The following NOL11 variants were observed in gnomAD, a reference collection of about 807,000 sequenced individuals.
The protein encoded by NOL11 is nucleolar protein 11.
A neutral mutation model predicts 93.0 loss-of-function variants in NOL11; 42 were observed. The observed-to-expected ratio is 0.45, with a 90% CI of 0.35 to 0.58. The LOEUF is 0.58. Ranked by LOEUF, NOL11 falls within the 20% of genes least tolerant of loss-of-function variation. NOL11 has a pLI of 0.00. For synonymous variants in NOL11, 296 were observed against 293.7 expected, an observed-to-expected ratio of 1.01 and a Z score of -0.08; for missense variants, 775 against 841.8, an observed-to-expected ratio of 0.92 and a Z score of 0.98.
At chr17:67,734,144 T>C (rs1415625460) in intron 7 of NOL11, among the ~76,000 whole-genome samples, 2 of 152,202 alleles carry the variant, frequency 1.3e-5, no homozygotes, top group East Asian at 3.9e-4. Context: ...TAATTGTTAT[T>C]CCTGGTTCAT....
chr17:67,738,352 T>TA lies in NOL11; in HGVS notation c.1761dup (p.Leu588ThrfsTer2). On this transcript the variant is annotated frameshift_variant, in exon 14 of 18. Transcript: ENST00000253247. LOFTEE classifies it high-confidence loss of function. ...CCTGTGGTACAAAAAAGAGCAGCTC[T>TA]ACTGTATCCTTTGACATAGAGCATC... 3 of 1,592,454 alleles carry TA rather than the reference T, an allele frequency of 1.9e-6. No individual in the cohort carries two copies. Among genetic ancestry groups the TA allele is most frequent in the Non-Finnish European group, 2.6e-6 (3 of 1,163,108 alleles).
intron 9 of NOL11, 79 bp from the exon 10 acceptor site, chr17:67,736,587 T>A (rs542617802): frequency 2.1e-5 from 18 of 870,898 alleles, no homozygotes; most frequent in Middle Eastern, 2.2e-4. Flanking sequence ...TGGTTTTTTT[T>A]AAATTGTTCT....
chr17:67,731,205 T>C (rs2055151172), intron 7 of NOL11, among the ~76,000 whole-genome samples: 1 of 152,164 alleles, frequency 6.6e-6, no homozygotes, highest in Non-Finnish European at 1.5e-5. Context: ...TTTTCTCCCA[T>C]TCTATAGGTT....
rs2055183046 is a variant in NOL11 at position 67,734,420 on chromosome 17, C to T, written c.911C>T (p.Pro304Leu). Residue 304 changes from proline (P) to leucine (L), a missense_variant, in exon 8 of 18, where the codon CCA (proline) becomes CTA (leucine). Physicochemically the swap from Pro to Leu is moderately conservative, Grantham distance 98. This residue lies in a region of NOL11 where 416 missense variants were observed against 525.2 expected (regional missense o/e 0.79). Transcript: ENST00000253247. ...FQTLQTSKELPQGTSGQLWYY... is the reference protein window; with the variant it reads ...FQTLQTSKELLQGTSGQLWYY... Reference sequence around the variant, plus strand: ...ACACTACAGACTTCAAAAGAGTTACCACAAGGGACCAGTGGTCAAGTAAGT... The same window carrying T: ...ACACTACAGACTTCAAAAGAGTTACTACAAGGGACCAGTGGTCAAGTAAGT... The T allele has an allele frequency of 2.5e-6, 4 of 1,603,204 alleles. No homozygotes were observed. The highest frequency in any genetic ancestry group is 3.4e-6 in the Non-Finnish European group (4 of 1,170,880).
chr17:67,739,526 A>T lies in NOL11; in HGVS notation c.1853A>T (p.Lys618Met). 6.3e-7 allele frequency: 1 copy of T among 1,581,648 alleles called. No individual in the cohort carries two copies. ...TTTTTTCCCACCCAGCTGTTTCTTAAGTATTTGTATTTCCTGTACCTGAAG... is the reference window on the plus strand; with the variant it reads ...TTTTTTCCCACCCAGCTGTTTCTTATGTATTTGTATTTCCTGTACCTGAAG... ...IPAQHITLFL[K>M]YLYFLYLKCS... Residue 618 changes from lysine (K) to methionine (M), a missense_variant, in exon 16 of 18, where the codon AAG (lysine) becomes ATG (methionine). Lys to Met is a moderately conservative substitution (Grantham distance 95). Transcript: ENST00000253247.
intron 6 of NOL11, 69 bp from the exon 7 acceptor site, chr17:67,726,391 A>G (rs963076219): frequency 1.4e-5 from 18 of 1,280,946 alleles, no homozygotes; most frequent in Non-Finnish European, 1.8e-5. Flanking sequence ...TAAACAACCT[A>G]GTACATTTAA....
chr17:67,719,595 T>C, intron 1 of NOL11, 79 bp from the exon 2 acceptor site: 2 of 773,828 alleles, frequency 2.6e-6, no homozygotes, highest in Non-Finnish European at 4.2e-6. Flanking sequence ...TAATGGTTTC[T>C]TTTATTGATT....
rs748697836 is a variant in NOL11, at chr17:67,743,785, C to T, written c.2086C>T (p.Arg696Trp). Residue 696 changes from arginine (R) to tryptophan (W), a missense_variant, in exon 18 of 18, where the codon CGG (arginine) becomes TGG (tryptophan). Arg to Trp is a moderately radical substitution (Grantham distance 101, BLOSUM62 -3). Around this residue, in one of 2 missense-constraint regions of NOL11, gnomAD observed 416 missense variants for 525.2 expected, o/e 0.79. Transcript: ENST00000253247. ...GCTCAACAAGATTGAAGTAAGTTTTCGGGAGCTACAGAAATTAAATCAAGA... is the reference window on the plus strand; with the variant it reads ...GCTCAACAAGATTGAAGTAAGTTTTTGGGAGCTACAGAAATTAAATCAAGA... The part of the protein sequence containing the change: ...SELNKIEVSF[R>W]ELQKLNQEKN... 9 of 1,547,066 alleles carry T rather than the reference C, an allele frequency of 5.8e-6. No individual in the cohort carries two copies. The highest frequency in any genetic ancestry group is 1.4e-5 in the African/African-American group (1 of 71,118).
intron 6 of NOL11, among the ~76,000 whole-genome samples, 179 bp downstream of exon 6, chr17:67,724,372 C>T (rs991782075): frequency 1.4e-5 from 2 of 145,672 alleles, no homozygotes; most frequent in East Asian, 4.0e-4. Context: ...CTCGCTCTGT[C>T]GCCCAGGCTG....
At chr17:67,723,579 G>A (rs2055056229) in intron 5 of NOL11, among the ~76,000 whole-genome samples, 1 of 151,246 alleles carries the variant, frequency 6.6e-6, no homozygotes, top group Non-Finnish European at 1.5e-5. Flanking sequence ...AGTAGAGACA[G>A]GGTTTTGCCA....
rs758646391 is a variant in NOL11 at position 67,722,645 on chromosome 17, A to G, written c.519+8A>G. 4 of 1,566,624 alleles carry G rather than the reference A, an allele frequency of 2.6e-6. No individual in the cohort carries two copies. The African/African-American group carries it at 4.2e-5, about 17-fold the overall frequency. On this transcript the variant is annotated splice_region_variant and intron_variant, in intron 5 of 17. Transcript: ENST00000253247. ...ATTTTTATTACTGAAAAAGTAAGTG[A>G]TATCTTCAATTCCTGGCCCATTTTG...
intron 16 of NOL11, among the ~76,000 whole-genome samples, chr17:67,743,018 G>A (rs1482894370): frequency 6.6e-6 from 1 of 152,214 alleles, no homozygotes; most frequent in African/African-American, 2.4e-5. Flanking sequence ...GAGGTTGGAG[G>A]ATTGCTTGAG....
rs369722308 is a variant in NOL11 at position 67,743,568 on chromosome 17, C to T, written c.2025C>T (p.Tyr675=). Residue 675 remains tyrosine, a synonymous_variant, in exon 17 of 18, where the codon TAC becomes TAT. Coordinates refer to ENST00000253247, the MANE Select transcript of NOL11 (RefSeq NM_015462.5). ...CAAAGAGGCTACTGATAAATCTTTA[C>T]AAGCTTGTAAAATCTCAGGTTTGTG... ...PEAKRLLINL[Y]KLVKSQISVY... is the part of the protein sequence containing the mutation. The T allele has an allele frequency of 4.2e-5, 67 of 1,597,182 alleles. No homozygotes were observed. Among genetic ancestry groups the T allele is most frequent in the Non-Finnish European group, 5.5e-5 (64 of 1,168,826 alleles).
At position 67,738,973 on chromosome 17, in the gene NOL11, T is replaced by A; in HGVS notation, c.1805T>A (p.Leu602Gln). The change falls in exon 15 of 18, where the codon CTG becomes CAG. Residue 602 changes from leucine to glutamine, a missense_variant. Transcript: ENST00000253247. ...LHSAYSETFL[L>Q]PHLKDIPAQH... The stretch of plus-strand genomic sequence containing the variant: ...TCAGCATATAGCGAGACATTTCTTC[T>A]GCCTCATTTGAAAGACATCCCAGCA... The A allele has an allele frequency of 6.2e-7, 1 of 1,613,178 alleles. No homozygotes were observed. The highest frequency in any genetic ancestry group is 8.5e-7 in the Non-Finnish European group (1 of 1,179,310).
intron 6 of NOL11, among the ~76,000 whole-genome samples, chr17:67,725,049 C>T (rs150509884): frequency 2.0e-4 from 30 of 152,224 alleles, no homozygotes; most frequent in African/African-American, 6.5e-4. Context: ...CAGAGCGAGA[C>T]TCGAGACTCG....
At chr17:67,733,877 T>TG (rs1213267030) in intron 7 of NOL11, among the ~76,000 whole-genome samples, 1 of 152,164 alleles carries the variant, frequency 6.6e-6, no homozygotes, top group Non-Finnish European at 1.5e-5. Flanking sequence ...TATTTCCCGT[T>TG]GGATTTGGTT....
rs1160008813 is a variant in NOL11, at chr17:67,736,709, A to G, written c.1098A>G (p.Gln366=). The G allele has an allele frequency of 2.5e-6, 4 of 1,613,508 alleles. No homozygotes were observed. In the East Asian group the frequency reaches 6.7e-5, roughly 27 times the overall value. Residue 366 remains glutamine, a synonymous_variant, in exon 10 of 18, where the codon CAA becomes CAG. Transcript: ENST00000253247. The part of the protein sequence containing the change: ...VSHFVNWETP[Q]GCGLGFQNSE... ...ATTTTGTAAACTGGGAGACACCTCA[A>G]GGATGTGGACTTGGGTTCCAGAACT...
In NOL11 at chr17:67,719,810, A is replaced by AAT. The variant is rs1273538306; in HGVS notation, c.255+29_255+30dup. ...AAGGTGAGTTTTAAAACTTTTGTAT[A>AAT]ATATATACAATATAAATGTTGATTA... On this transcript the variant is annotated intron_variant, in intron 2 of 17. Transcript: ENST00000253247. The AAT allele has an allele frequency of 4.1e-6, 6 of 1,478,484 alleles. No homozygotes were observed. In the South Asian group the frequency reaches 7.4e-5, roughly 18 times the overall value. 91.6% of individuals were successfully genotyped at this position (1,478,484 alleles called of 1,614,324 possible).
intron 9 of NOL11, 72 bp downstream of exon 9, chr17:67,736,095 A>C (rs2055199760): frequency 7.6e-7 from 1 of 1,323,172 alleles, no homozygotes; most frequent in South Asian, 1.4e-5. Flanking sequence ...ACAGATTCCC[A>C]CAGCCTTCTA....
Sources: allele counts gnomAD v4.1 joint callset (sites outside exome capture counted in the v4.1 genomes callset), GRCh38; gene constraint gnomAD v4.1.1; regional missense constraint gnomAD v4.1.1; transcripts MANE v1.5; gene names NCBI Gene and HGNC (gene_info 2026-07-23, HGNC 2026-07-21).